The following SPEF2 variants were observed in gnomAD, a reference collection of about 807,000 sequenced individuals.
SPEF2 encodes the protein sperm flagella and cilia-associated protein 2.
A neutral mutation model predicts 224.6 loss-of-function variants in SPEF2; 187 were observed. The ratio of observed to expected loss-of-function variants is 0.83; its 90% CI spans 0.74 to 0.94. The LOEUF is 0.94. Ranked by LOEUF, SPEF2 falls within the 40% of genes least tolerant of loss-of-function variation. The pLI is 0.00. For missense variants in SPEF2, 2,170 were observed against 2,135.6 expected (o/e 1.02, Z -0.32); for synonymous variants, 715 against 707.3 (o/e 1.01, Z -0.17).
At chr5:35,777,673 A>AAATAAATT (rs1753785044) in intron 29 of SPEF2, among the ~76,000 whole-genome samples, 2 of 52,132 alleles carry the variant, frequency 3.8e-5, no homozygotes, top group Non-Finnish European at 9.3e-5. Flanking sequence ...ACAAATAAAT[A>AAATAAATT]AATAAATAAA....
At position 35,654,784 on chromosome 5, in the gene SPEF2, T is replaced by C. The variant is rs1748730440; in HGVS notation, c.978+58T>C. ...GCTGGGAATTCTACAAAATGTAGTC[T>C]TCTATACACATAATATGTAGTTTAT... On this transcript the variant is annotated intron_variant, in intron 7 of 36. Coordinates refer to ENST00000356031, the MANE Select transcript of SPEF2 (RefSeq NM_024867.4). 8 of 1,450,582 alleles carry C rather than the reference T, an allele frequency of 5.5e-6. 1 individual carries two copies. The South Asian group carries it at 1.1e-4, about 20-fold the overall frequency. The allele number at this position is 1,450,582 out of a possible 1,614,324, so 89.9% of individuals were successfully genotyped here.
At chr5:35,675,271 TACAA>T (rs2149490585) in intron 10 of SPEF2, among the ~76,000 whole-genome samples, 1 of 152,246 alleles carries the variant, frequency 6.6e-6, no homozygotes, top group South Asian at 2.1e-4. Flanking sequence ...CTTCCTAAAA[TACAA>T]ACATTTCTCA....
intron 33 of SPEF2, among the ~76,000 whole-genome samples, chr5:35,798,726 T>G (rs1757018255): frequency 6.6e-6 from 1 of 152,170 alleles, no homozygotes; most frequent in South Asian, 2.1e-4. Context: ...CTCGAGCAGC[T>G]GGGATTACAG....
chr5:35,710,965 G>A (rs1291410403), intron 19 of SPEF2: 6 of 822,676 alleles, frequency 7.3e-6, no homozygotes, highest in Non-Finnish European at 8.8e-6. Flanking sequence ...CAACCTTACT[G>A]TGATGGACAT....
intron 8 of SPEF2, among the ~76,000 whole-genome samples, chr5:35,664,602 C>T (rs1408713097): frequency 6.6e-6 from 1 of 151,862 alleles, no homozygotes; most frequent in Non-Finnish European, 1.5e-5. Context: ...ATTGCTTGAA[C>T]CCAGGAGGCT....
At chr5:35,812,135 C>CT (rs1199722829) in intron 36 of SPEF2, among the ~76,000 whole-genome samples, 2 of 152,108 alleles carry the variant, frequency 1.3e-5, no homozygotes, top group African/African-American at 4.8e-5. Flanking sequence ...TTGCACCAAC[C>CT]TACTTCTACT....
At chr5:35,706,495 T>C (rs964697622) in intron 18 of SPEF2, among the ~76,000 whole-genome samples, 7 of 152,102 alleles carry the variant, frequency 4.6e-5, no homozygotes, top group Non-Finnish European at 7.4e-5. Flanking sequence ...ATATTTCCAT[T>C]GGGATTTTGC....
At chr5:35,630,114 C>G (rs566704549) in intron 2 of SPEF2, among the ~76,000 whole-genome samples, 58 of 152,264 alleles carry the variant, frequency 3.8e-4, no homozygotes, top group Admixed American at 3.8e-3. Context: ...GAAGTGAGCT[C>G]CCATGGCCTT....
rs865936786 is a variant in SPEF2, at chr5:35,617,953, C to A, written c.-45C>A. The A allele has an allele frequency of 1.3e-6, 2 of 1,550,088 alleles. No individual in the cohort carries two copies. Among genetic ancestry groups the A allele is most frequent in the Non-Finnish European group, 1.7e-6 (2 of 1,143,384 alleles). The stretch of plus-strand genomic sequence containing the variant: ...GCGGGCTGGCAGGCTTGGTTCCTGG[C>A]GAGTTTCTAAGCCCCCGCCTGCGGT... On this transcript the variant is annotated 5_prime_UTR_variant, in exon 1 of 37. Transcript: ENST00000356031.
chr5:35,773,411 A>C (rs1438165028), intron 27 of SPEF2, among the ~76,000 whole-genome samples: 2 of 152,106 alleles, frequency 1.3e-5, no homozygotes, highest in East Asian at 3.9e-4. Flanking sequence ...GAGATTACAG[A>C]TTCTTGACAA....
chr5:35,731,057 A>G (rs1315525148), intron 21 of SPEF2, among the ~76,000 whole-genome samples: 1 of 152,192 alleles, frequency 6.6e-6, no homozygotes, highest in East Asian at 1.9e-4. Flanking sequence ...AGTCAAGGGT[A>G]TGTGTATATG....
rs767797491 is a variant in SPEF2 at position 35,654,544 on chromosome 5, T to C, written c.796T>C (p.Ser266Pro). ...AATAAAAACTATTATTCTTAGTGCATCCAAGACTTCTTTAGATACAGCAGG... is the reference window on the plus strand; with the variant it reads ...AATAAAAACTATTATTCTTAGTGCACCCAAGACTTCTTTAGATACAGCAGG... ...KKDLQAKESA[S>P]KTSLDTAGQT... The change falls in exon 7 of 37, where the codon TCC (serine) becomes CCC (proline). Residue 266 changes from serine (S) to proline (P), a missense_variant. Transcript: ENST00000356031. 6 of 1,577,042 alleles carry C rather than the reference T, an allele frequency of 3.8e-6. No homozygotes were observed. Among genetic ancestry groups the C allele is most frequent in the Middle Eastern group, 3.4e-4 (2 of 5,884 alleles).
chr5:35,803,836 C>G (rs1757748297), intron 34 of SPEF2, among the ~76,000 whole-genome samples: 1 of 152,234 alleles, frequency 6.6e-6, no homozygotes, highest in South Asian at 2.1e-4. Context: ...TTCTTCTTTA[C>G]TCTATTTCTG....
Position 35,807,256 on chromosome 5 carries a change from G to A in SPEF2, c.5379+3G>A. The A allele has an allele frequency of 6.2e-7, 1 of 1,610,744 alleles. No homozygotes were observed. Among genetic ancestry groups the A allele is most frequent in the Non-Finnish European group, 8.5e-7 (1 of 1,179,260 alleles). ...ATTATTCAGACTATAAGTTTCCTGTGAGTATTACCCCAAAGTGCTCTAATT... is the reference window on the plus strand; with the variant it reads ...ATTATTCAGACTATAAGTTTCCTGTAAGTATTACCCCAAAGTGCTCTAATT... On this transcript the variant is annotated splice_donor_region_variant and intron_variant, in intron 36 of 36. Transcript: ENST00000356031.
intron 9 of SPEF2, 75 bp from the exon 10 acceptor site, chr5:35,669,984 T>C: frequency 8.5e-7 from 1 of 1,178,998 alleles, no homozygotes; most frequent in Non-Finnish European, 1.2e-6. Flanking sequence ...TACATAAATA[T>C]AATAAAAATA....
intron 2 of SPEF2, among the ~76,000 whole-genome samples, chr5:35,638,093 G>T (rs976891160): frequency 3.3e-5 from 5 of 152,146 alleles, no homozygotes; most frequent in African/African-American, 1.2e-4. Context: ...ACACCATGAG[G>T]TTAGGGGTAT....
intron 28 of SPEF2, among the ~76,000 whole-genome samples, chr5:35,774,775 A>G (rs910290734): frequency 3.3e-5 from 5 of 152,150 alleles, no homozygotes; most frequent in African/African-American, 1.2e-4. Context: ...TATGATTTCC[A>G]TCCCTTGTTT....
intron 28 of SPEF2, among the ~76,000 whole-genome samples, chr5:35,774,752 A>G (rs895012160): frequency 2.6e-5 from 4 of 152,198 alleles, no homozygotes; most frequent in African/African-American, 9.6e-5. Context: ...CTCAGTGACT[A>G]TTAACTACTA....
At chr5:35,713,308 C>G (rs74955177) in intron 20 of SPEF2, among the ~76,000 whole-genome samples, 7 of 152,006 alleles carry the variant, frequency 4.6e-5, no homozygotes, top group Admixed American at 2.6e-4. Flanking sequence ...AAGAAAGGAG[C>G]CTTGGTACAA....
Sources: allele counts gnomAD v4.1 joint callset (sites outside exome capture counted in the v4.1 genomes callset), GRCh38; gene constraint gnomAD v4.1.1; transcripts MANE v1.5; gene names NCBI Gene and HGNC (gene_info 2026-07-23, HGNC 2026-07-21).